The following ENTREP2 variants were observed in gnomAD, a reference collection of about 807,000 sequenced individuals.
ENTREP2 encodes protein ENTREP2.
chr15:29,354,249 C>T, the ENTREP2 span, among the ~76,000 whole-genome samples: 2 of 152,182 alleles, frequency 1.3e-5, no homozygotes, highest in Admixed American at 1.3e-4. Flanking sequence ...ACACCAGCAG[C>T]TCCACCCCTC....
At chr15:29,490,115 C>T in the ENTREP2 span, among the ~76,000 whole-genome samples, 5 of 152,188 alleles carry the variant, frequency 3.3e-5, no homozygotes, top group African/African-American at 1.2e-4. Flanking sequence ...GGTGGGTTCT[C>T]GGTCTCACTG....
chr15:29,543,631 T>C, the ENTREP2 span, among the ~76,000 whole-genome samples: 2 of 152,074 alleles, frequency 1.3e-5, no homozygotes, highest in African/African-American at 4.8e-5. Context: ...ATACAAAGAT[T>C]GGCCAGGTGT....
At chr15:29,611,174 C>T in the ENTREP2 span, 1 of 152,150 alleles carries the variant, frequency 6.6e-6, no homozygotes, top group Non-Finnish European at 1.5e-5. Flanking sequence ...TTCTTCTGTG[C>T]TTTCTTGTCT....
the ENTREP2 span, among the ~76,000 whole-genome samples, chr15:29,598,905 C>T: frequency 6.6e-6 from 1 of 152,122 alleles, no homozygotes; most frequent in African/African-American, 2.4e-5. Flanking sequence ...ACCGTGTTAG[C>T]CAGGATGGTC....
chr15:29,573,651 C>T, the ENTREP2 span, among the ~76,000 whole-genome samples: 1 of 151,288 alleles, frequency 6.6e-6, no homozygotes. Flanking sequence ...CCCCCCCTCT[C>T]TCTCTCCCTC....
At chr15:29,401,367 T>C in the ENTREP2 span, among the ~76,000 whole-genome samples, 1 of 152,138 alleles carries the variant, frequency 6.6e-6, no homozygotes, top group African/African-American at 2.4e-5. Context: ...ATGAATAGGA[T>C]GTTTAGATTT....
chr15:29,434,636 G>A, the ENTREP2 span, among the ~76,000 whole-genome samples: 1 of 152,130 alleles, frequency 6.6e-6, no homozygotes, highest in Non-Finnish European at 1.5e-5. Context: ...TTGACCTGAA[G>A]CATACATGAC....
the ENTREP2 span, among the ~76,000 whole-genome samples, chr15:29,293,710 T>C: frequency 1.3e-5 from 2 of 152,178 alleles, no homozygotes; most frequent in Non-Finnish European, 2.9e-5. Flanking sequence ...TCCTGCAGCA[T>C]GGCTTACTTC....
At chr15:29,395,761 T>C in the ENTREP2 span, among the ~76,000 whole-genome samples, 1 of 151,988 alleles carries the variant, frequency 6.6e-6, no homozygotes, top group African/African-American at 2.4e-5. Flanking sequence ...CTTGAACTCT[T>C]GGGTGCCAAC....
the ENTREP2 span, among the ~76,000 whole-genome samples, chr15:29,261,166 G>A: frequency 6.6e-6 from 1 of 152,134 alleles, no homozygotes; most frequent in Non-Finnish European, 1.5e-5. Context: ...CTTGTGGTAA[G>A]GAGCTCAAGA....
the ENTREP2 span, among the ~76,000 whole-genome samples, chr15:29,304,712 C>T: frequency 6.6e-6 from 1 of 152,206 alleles, no homozygotes; most frequent in Non-Finnish European, 1.5e-5. Flanking sequence ...ACTTACAAGG[C>T]CCTGCAGTTT....
the ENTREP2 span, chr15:29,151,706 C>T: frequency 6.6e-7 from 1 of 1,517,604 alleles, no homozygotes; most frequent in Middle Eastern, 1.7e-4. Flanking sequence ...TCAAACCGCG[C>T]AGAGGAGGAG....
At chr15:29,206,093 A>G in the ENTREP2 span, among the ~76,000 whole-genome samples, 13 of 152,320 alleles carry the variant, frequency 8.5e-5, no homozygotes, top group East Asian at 2.5e-3. Context: ...CTATTAACAA[A>G]TACCACAGAC....
the ENTREP2 span, among the ~76,000 whole-genome samples, chr15:29,575,802 G>T: frequency 6.6e-6 from 1 of 152,198 alleles, no homozygotes; most frequent in Non-Finnish European, 1.5e-5. Flanking sequence ...AACCAAGGAA[G>T]TGAAGGCTTG....
the ENTREP2 span, among the ~76,000 whole-genome samples, chr15:29,543,778 C>CAA: frequency 3.7e-4 from 51 of 136,240 alleles, no homozygotes; most frequent in African/African-American, 1.3e-3. Flanking sequence ...GACTCTATCT[C>CAA]AAAAAAAAAA....
At chr15:29,484,263 A>T in the ENTREP2 span, among the ~76,000 whole-genome samples, 1 of 152,180 alleles carries the variant, frequency 6.6e-6, no homozygotes, top group Non-Finnish European at 1.5e-5. Flanking sequence ...ATGCCCATCC[A>T]TGAGCCTCAG....
At chr15:29,161,329 A>C in the ENTREP2 span, among the ~76,000 whole-genome samples, 1 of 152,154 alleles carries the variant, frequency 6.6e-6, no homozygotes, top group Non-Finnish European at 1.5e-5. Flanking sequence ...CTCACCACAC[A>C]TGTGCAGGCA....
the ENTREP2 span, among the ~76,000 whole-genome samples, chr15:29,588,832 C>G: frequency 6.6e-6 from 1 of 151,272 alleles, no homozygotes; most frequent in Non-Finnish European, 1.5e-5. Flanking sequence ...ACAAAAAATA[C>G]AAAAAAATTA....
At chr15:29,390,882 G>A in the ENTREP2 span, among the ~76,000 whole-genome samples, 37 of 152,270 alleles carry the variant, frequency 2.4e-4, no homozygotes, top group African/African-American at 8.9e-4. Context: ...TGGCAGATGG[G>A]TGCCCAATAG....
Sources: allele counts gnomAD v4.1 joint callset (sites outside exome capture counted in the v4.1 genomes callset), GRCh38; gene constraint gnomAD v4.1.1; transcripts MANE v1.5; gene names NCBI Gene and HGNC (gene_info 2026-07-23, HGNC 2026-07-21).